FAAH2: variants seen among roughly 807,000 people sequenced by gnomAD.
FAAH2 encodes the protein fatty-acid amide hydrolase 2.
A neutral mutation model predicts 36.9 loss-of-function variants in FAAH2; 60 were observed. The ratio of observed to expected loss-of-function variants is 1.63; its 90% CI spans 1.32 to 2.02. The LOEUF (loss-of-function observed/expected upper bound fraction) is 2.02, where lower values mean the gene tolerates loss of function less well. Among genes scored for constraint, FAAH2 ranks in the 30% most tolerant of loss-of-function variants. FAAH2 has a pLI of 0.00. For synonymous variants in FAAH2, 214 were observed against 143.8 expected, an observed-to-expected ratio of 1.49 and a Z score of -3.49; for missense variants, 689 against 397.5, an observed-to-expected ratio of 1.73 and a Z score of -6.23.
chrX:57,433,367 T>A (rs5960270), intron 8 of FAAH2, among the ~76,000 whole-genome samples: 41,303 of 110,342 alleles, frequency 0.37, 6,618 homozygotes, highest in Middle Eastern at 0.64. Context: ...CACTTTACCA[T>A]GTTGCTCATT....
intron 5 of FAAH2, among the ~76,000 whole-genome samples, chrX:57,356,655 C>T (rs1365580324): frequency 1.8e-5 from 2 of 110,657 alleles, no homozygotes; most frequent in South Asian, 3.8e-4. Flanking sequence ...TCTTAGTCAA[C>T]CTAGCTACAA....
At chrX:57,362,477 T>A (rs1602407095) in intron 5 of FAAH2, among the ~76,000 whole-genome samples, 1 of 111,769 alleles carries the variant, frequency 8.9e-6, no homozygotes, top group Non-Finnish European at 1.9e-5. Context: ...GTTCTGCACA[T>A]GTATCCCAGA....
At chrX:57,245,526 A>C in the FAAH2 span, among the ~76,000 whole-genome samples, 2 of 112,340 alleles carry the variant, frequency 1.8e-5, no homozygotes, top group Non-Finnish European at 3.8e-5. Flanking sequence ...CATATCAAAC[A>C]GTCTCTCAGA....
At chrX:57,421,371 G>A (rs1182992114) in intron 7 of FAAH2, among the ~76,000 whole-genome samples, 1 of 112,154 alleles carries the variant, frequency 8.9e-6, no homozygotes, top group African/African-American at 3.2e-5. Context: ...AGAGTTGCTT[G>A]AACCCAAGAG....
Position 57,476,181 on chromosome X carries a change from C to A in FAAH2, c.1424-12576C>A, listed in dbSNP as rs760033676. 2.0e-4 allele frequency among the ~76,000 whole-genome samples: 22 copies of A among 111,079 alleles called. 1 individual carries two copies. Among genetic ancestry groups the A allele is most frequent in the African/African-American group, 7.2e-4 (22 of 30,614 alleles). ...ACTTCCTCTTTTTCTACTTGAATACCCTTTATTTATTTTTCTTGCCTGATT... is the reference window on the plus strand; with the variant it reads ...ACTTCCTCTTTTTCTACTTGAATACACTTTATTTATTTTTCTTGCCTGATT... On this transcript the variant is annotated intron_variant, in intron 10 of 10. Transcript: ENST00000374900.
In FAAH2 at chrX:57,375,282, G is replaced by A. The variant is rs191521501; in HGVS notation, c.743-3369G>A. On this transcript the variant is annotated intron_variant, in intron 5 of 10. Coordinates refer to ENST00000374900, the MANE Select transcript of FAAH2 (RefSeq NM_174912.4). ...CCTTCTTTCTCTATCTTGTGGAATA[G>A]CATCAATAGGATTGGTACCAATTCT... Among the ~76,000 whole-genome samples, 41 of 107,858 alleles carry A rather than the reference G, an allele frequency of 3.8e-4. 1 individual carries two copies. In the East Asian group the frequency reaches 0.011, roughly 30 times the overall value. The allele number at this position is 107,858 out of a possible 115,157, so 93.7% of individuals were successfully genotyped here.
At chrX:57,473,239 A>G (rs187252397) in intron 10 of FAAH2, among the ~76,000 whole-genome samples, 21 of 111,150 alleles carry the variant, frequency 1.9e-4, no homozygotes, top group African/African-American at 6.5e-4. Flanking sequence ...CTGTTTTTAT[A>G]CACTTCAATT....
chrX:57,224,470 G>T, the FAAH2 span, among the ~76,000 whole-genome samples: 2 of 111,318 alleles, frequency 1.8e-5, no homozygotes, highest in African/African-American at 3.3e-5. Flanking sequence ...GGGCCTGAAA[G>T]CTTAAGGAGA....
chrX:57,411,206 C>T (rs1005152742), intron 7 of FAAH2, among the ~76,000 whole-genome samples: 54 of 111,989 alleles, frequency 4.8e-4, no homozygotes, highest in African/African-American at 1.8e-3. Flanking sequence ...TGTTTACCTT[C>T]TCTCTATGCT....
intron 7 of FAAH2, among the ~76,000 whole-genome samples, chrX:57,402,457 C>T (rs888570513): frequency 9.0e-6 from 1 of 111,599 alleles, no homozygotes; most frequent in Non-Finnish European, 1.9e-5. Context: ...CCTGTTCCTC[C>T]TGATCTCTAT....
At chrX:57,341,176 A>G in intron 4 of FAAH2, 95 bp from the exon 5 acceptor site, 1 of 928,772 alleles carries the variant, frequency 1.1e-6, no homozygotes, top group Non-Finnish European at 1.4e-6. Flanking sequence ...GGATCTAAAG[A>G]CACAAAAAGG....
At chrX:57,387,124 G>A (rs2055044688) in intron 7 of FAAH2, among the ~76,000 whole-genome samples, 1 of 111,341 alleles carries the variant, frequency 9.0e-6, no homozygotes, top group African/African-American at 3.3e-5. Flanking sequence ...AAATTCAGAT[G>A]TCTGTTTCTG....
At chrX:57,238,133 A>C in the FAAH2 span, among the ~76,000 whole-genome samples, 1 of 111,857 alleles carries the variant, frequency 8.9e-6, no homozygotes, top group Admixed American at 9.5e-5. Context: ...TCAACCCAGC[A>C]ATCCCATGAC....
intron 1 of FAAH2, among the ~76,000 whole-genome samples, chrX:57,289,956 T>G (rs1269648826): frequency 3.6e-5 from 4 of 110,959 alleles, no homozygotes; most frequent in Non-Finnish European, 7.6e-5. Context: ...TAGTCTTCAT[T>G]TCTCTTACGA....
chrX:57,152,707 A>T, the FAAH2 span, among the ~76,000 whole-genome samples: 2 of 111,722 alleles, frequency 1.8e-5, no homozygotes, highest in Non-Finnish European at 3.8e-5. Flanking sequence ...TCCCTGACCC[A>T]TTGTGCTTCC....
chrX:57,132,266 T>C, the FAAH2 span, among the ~76,000 whole-genome samples: 1 of 112,057 alleles, frequency 8.9e-6, no homozygotes, highest in Non-Finnish European at 1.9e-5. Context: ...AAATAACATA[T>C]CAGTGGTTTC....
At chrX:57,428,681 G>A (rs1418400041) in intron 7 of FAAH2, among the ~76,000 whole-genome samples, 1 of 111,656 alleles carries the variant, frequency 9.0e-6, no homozygotes, top group Non-Finnish European at 1.9e-5. Flanking sequence ...AAAATTAGGT[G>A]GCCATACACA....
At chrX:57,294,185 C>T (rs1238969273) in intron 2 of FAAH2, among the ~76,000 whole-genome samples, 2 of 112,158 alleles carry the variant, frequency 1.8e-5, no homozygotes, top group African/African-American at 6.5e-5. Flanking sequence ...GTTATTACAA[C>T]ATGAGCTCAA....
chrX:57,464,786 G>A (rs4826563), intron 10 of FAAH2, among the ~76,000 whole-genome samples: 40,002 of 110,076 alleles, frequency 0.36, 6,222 homozygotes, highest in Middle Eastern at 0.61. Flanking sequence ...TCAAGCCACA[G>A]CATCATACAA....
Sources: allele counts gnomAD v4.1 joint callset (sites outside exome capture counted in the v4.1 genomes callset), GRCh38; gene constraint gnomAD v4.1.1; transcripts MANE v1.5; gene names NCBI Gene and HGNC (gene_info 2026-07-23, HGNC 2026-07-21).